The following CSAD variants were observed in gnomAD, a reference collection of about 807,000 sequenced individuals.
The protein encoded by CSAD is cysteine sulfinic acid decarboxylase, also known as P-selectin cytoplasmic tail-associated protein.
Under a neutral mutation model 61.5 loss-of-function variants are expected in CSAD, and 47 were observed. That is an observed-to-expected ratio of 0.76 (90% CI 0.60 to 0.97). The LOEUF is 0.97. Among genes scored for constraint, CSAD ranks in the 50% least tolerant of loss-of-function variants. The pLI, the probability that CSAD is intolerant of heterozygous loss-of-function variation, is 0.00. For synonymous variants in CSAD, 245 were observed against 252.7 expected (o/e 0.97, Z 0.29); for missense variants, 611 against 643.6 (o/e 0.95, Z 0.55).
chr12:53,162,836 C>T (rs978417207), intron 10 of CSAD, among the ~76,000 whole-genome samples: 2 of 151,654 alleles, frequency 1.3e-5, no homozygotes, highest in Non-Finnish European at 2.9e-5. Flanking sequence ...CCGAGGCGGG[C>T]GGATCACCTG....
At chr12:53,179,867 A>T in intron 1 of CSAD, 1 of 1,610,830 alleles carries the variant, frequency 6.2e-7, no homozygotes, top group Non-Finnish European at 8.5e-7. Context: ...CTAATGGCTA[A>T]GGCTAGGCAG....
chr12:53,176,110 G>A (rs139027814), intron 2 of CSAD, among the ~76,000 whole-genome samples: 140 of 152,220 alleles, frequency 9.2e-4, no homozygotes, highest in African/African-American at 3.2e-3. Flanking sequence ...TACAAGAAGG[G>A]GGGGTGAGGG....
At position 53,161,380 on chromosome 12, in the gene CSAD, G is replaced by T; in HGVS notation, c.712C>A (p.Pro238Thr). The stretch of plus-strand genomic sequence containing the variant: ...CCAGAGGTGGCACTGACCAGGAACG[G>T]CACAGCACCCTGTTGCCAAAATGTA... ...IGMAEAEGAV[P>T]FLVSATSGTT... The change falls in exon 11 of 17, where the codon CCG becomes ACG. Residue 238 changes from proline to threonine, a missense_variant. By Grantham distance (38) the Pro-to-Thr change is conservative. Transcript: ENST00000444623. The T allele has an allele frequency of 6.2e-7, 1 of 1,612,638 alleles. No homozygotes were observed. The highest frequency in any genetic ancestry group is 8.5e-7 in the Non-Finnish European group (1 of 1,178,914).
At position 53,173,376 on chromosome 12, in the gene CSAD, G is replaced by A; in HGVS notation, c.95C>T (p.Ala32Val). ...RAVFGVVVDEAIQKGTSVSQK... is the reference protein window; with the variant it reads ...RAVFGVVVDEVIQKGTSVSQK... ...GGAGACACTGGTTCCTTTCTGAATGGCCTCATCCACAACAACCCCAAACAC... is the reference window on the plus strand; with the variant it reads ...GGAGACACTGGTTCCTTTCTGAATGACCTCATCCACAACAACCCCAAACAC... The change falls in exon 4 of 17, where the codon GCC becomes GTC. Residue 32 changes from alanine (A) to valine (V), a missense_variant. Transcript: ENST00000444623. 2 of 1,614,200 alleles carry A rather than the reference G, an allele frequency of 1.2e-6. No homozygotes were observed. Among genetic ancestry groups the A allele is most frequent in the African/African-American group, 1.3e-5 (1 of 75,056 alleles).
At chr12:53,164,227 A>G (rs1484905221) in intron 10 of CSAD, among the ~76,000 whole-genome samples, 1 of 152,232 alleles carries the variant, frequency 6.6e-6, no homozygotes, top group Non-Finnish European at 1.5e-5. Flanking sequence ...GAAGCAACCA[A>G]AGAAAAAACA....
intron 1 of CSAD, chr12:53,179,697 T>C: frequency 7.9e-7 from 1 of 1,259,040 alleles, no homozygotes; most frequent in South Asian, 1.3e-5. Flanking sequence ...AGAATCCTTG[T>C]CTTTTTTTCA....
intron 1 of CSAD, chr12:53,180,150 T>A: frequency 1.6e-6 from 2 of 1,256,344 alleles, no homozygotes; most frequent in Non-Finnish European, 2.0e-6. Flanking sequence ...CTGCGAGAAT[T>A]CAGACTGTGG....
chr12:53,173,256 G>T (rs538784381), intron 4 of CSAD, 89 bp downstream of exon 4: 15 of 1,130,950 alleles, frequency 1.3e-5, no homozygotes, highest in Middle Eastern at 2.0e-4. Context: ...AGGAAGGAAG[G>T]GGGGGGGAGA....
chr12:53,173,971 T>G, intron 2 of CSAD: 1 of 593,700 alleles, frequency 1.7e-6, no homozygotes, highest in Non-Finnish European at 3.0e-6. Context: ...TAATCTACTT[T>G]GTTTCTGTAG....
chr12:53,160,053 G>A (rs1939088789), intron 14 of CSAD, 67 bp downstream of exon 14: 1 of 1,603,904 alleles, frequency 6.2e-7, no homozygotes, highest in African/African-American at 1.3e-5. Context: ...CCCGGGAGCA[G>A]GAAAGAGGGA....
At chr12:53,180,620 G>A (rs992780163) in intron 1 of CSAD, 112 bp downstream of exon 1, 2 of 1,283,498 alleles carry the variant, frequency 1.6e-6, no homozygotes, top group Non-Finnish European at 2.0e-6. Context: ...GGCTGCCCCC[G>A]CTAGTCTAGC....
intron 2 of CSAD, among the ~76,000 whole-genome samples, chr12:53,174,403 A>G (rs1268910636): frequency 6.6e-6 from 1 of 152,134 alleles, no homozygotes; most frequent in African/African-American, 2.4e-5. Context: ...GTTATGGATG[A>G]TTTTTAAGTT....
chr12:53,158,795 C>T, intron 16 of CSAD, 111 bp from the exon 17 acceptor site: 2 of 983,900 alleles, frequency 2.0e-6, no homozygotes, highest in Non-Finnish European at 3.0e-6. Flanking sequence ...ACCCAGCCAC[C>T]TTCTGGGGGT....
In CSAD at chr12:53,158,444, TG is replaced by T; in HGVS notation, c.*66del. 6.6e-7 allele frequency: 1 copy of T among 1,523,022 alleles called. No individual in the cohort carries two copies. Among genetic ancestry groups the T allele is most frequent in the Non-Finnish European group, 9.0e-7 (1 of 1,113,486 alleles). 94.3% of individuals were successfully genotyped at this position (1,523,022 alleles called of 1,614,324 possible). On this transcript the variant is annotated 3_prime_UTR_variant, in exon 17 of 17. Coordinates refer to ENST00000444623, the MANE Select transcript of CSAD (RefSeq NM_001244705.2). The stretch of plus-strand genomic sequence containing the variant: ...AGCCACTGCACCCGGCCTCAAAGGC[TG>T]GGAGGGAATGCAGTGACTCTGCGGG...
At chr12:53,164,121 C>A (rs942746359) in intron 10 of CSAD, among the ~76,000 whole-genome samples, 34 of 152,156 alleles carry the variant, frequency 2.2e-4, no homozygotes. Flanking sequence ...GGATCACAGG[C>A]CTAAATCCCA....
chr12:53,170,913 G>T (rs1031296828), intron 8 of CSAD: 4 of 375,020 alleles, frequency 1.1e-5, no homozygotes, highest in Admixed American at 3.9e-5. Context: ...TAAAGAGGGG[G>T]TTTCACTATG....
At chr12:53,172,726 G>C in intron 4 of CSAD, 78 bp from the exon 5 acceptor site, 1 of 1,472,350 alleles carries the variant, frequency 6.8e-7, no homozygotes, top group Non-Finnish European at 9.0e-7. Context: ...ACAGACACGA[G>C]ACACGGCCAA....
intron 8 of CSAD, 103 bp from the exon 9 acceptor site, chr12:53,170,605 G>T: frequency 1.1e-6 from 1 of 880,394 alleles, no homozygotes; most frequent in Non-Finnish European, 1.9e-6. Context: ...TGTAGACCAG[G>T]GCTTCTCAAA....
chr12:53,173,488 C>T lies in CSAD; in HGVS notation c.-6-12G>A, dbSNP rs904908695. ...TCAGCCATCAGGATCTGTGGCAGAG[C>T]AGAGTCATTCCCTACTCAGCCTGTC... is the stretch of plus-strand genomic sequence containing the variant. On this transcript the variant is annotated splice_polypyrimidine_tract_variant and intron_variant, in intron 3 of 16. Transcript: ENST00000444623. 1.9e-6 allele frequency: 3 copies of T among 1,614,184 alleles called. No homozygotes were observed. In the African/African-American group the frequency reaches 4.0e-5, roughly 22 times the overall value.
Sources: allele counts gnomAD v4.1 joint callset (sites outside exome capture counted in the v4.1 genomes callset), GRCh38; gene constraint gnomAD v4.1.1; transcripts MANE v1.5; gene names NCBI Gene and HGNC (gene_info 2026-07-23, HGNC 2026-07-21).